Variants in DEPTOR observed in about 807,000 individuals in gnomAD.
DEPTOR encodes the protein DEP domain-containing mTOR-interacting protein.
In DEPTOR, 41 loss-of-function variants were observed where a neutral mutation model predicts 41.6. That is an observed-to-expected ratio of 0.98 (90% CI 0.77 to 1.28). The LOEUF is 1.28. Ranked by LOEUF, DEPTOR falls within the 50% of genes most tolerant of loss-of-function variation. The pLI, the probability that DEPTOR is intolerant of heterozygous loss-of-function variation, is 0.00. For synonymous variants in DEPTOR, 195 were observed against 192.3 expected, an observed-to-expected ratio of 1.01 and a Z score of -0.12; for missense variants, 514 against 527.9, an observed-to-expected ratio of 0.97 and a Z score of 0.26.
chr8:119,976,171 T>C (rs1453754791), intron 4 of DEPTOR, among the ~76,000 whole-genome samples: 3 of 151,996 alleles, frequency 2.0e-5, no homozygotes, highest in Non-Finnish European at 4.4e-5. Context: ...CCCCTACTCA[T>C]GCTCTCTGGT....
chr8:120,005,952 G>A (rs1372760899), intron 6 of DEPTOR, among the ~76,000 whole-genome samples: 2 of 152,102 alleles, frequency 1.3e-5, no homozygotes, highest in Non-Finnish European at 2.9e-5. Flanking sequence ...CACAGTAGCT[G>A]AGAGTGTGGG....
At chr8:119,925,996 TG>T (rs1426285551) in intron 1 of DEPTOR, among the ~76,000 whole-genome samples, 2 of 152,244 alleles carry the variant, frequency 1.3e-5, no homozygotes, top group Non-Finnish European at 2.9e-5. Flanking sequence ...CATGTGGTAT[TG>T]GTTTTCTGTT....
intron 4 of DEPTOR, among the ~76,000 whole-genome samples, chr8:119,997,402 T>A (rs1812283077): frequency 6.6e-6 from 1 of 152,154 alleles, no homozygotes; most frequent in African/African-American, 2.4e-5. Flanking sequence ...GCCTGGCTAA[T>A]ATTTTAATTT....
chr8:119,992,507 C>A (rs1307660831), intron 4 of DEPTOR, among the ~76,000 whole-genome samples: 1 of 152,118 alleles, frequency 6.6e-6, no homozygotes, highest in East Asian at 1.9e-4. Context: ...CAGTTGATGT[C>A]TGCGCATTCC....
chr8:119,928,505 C>G lies in DEPTOR; in HGVS notation c.228C>G (p.His76Gln), dbSNP rs774968647. Residue 76 changes from histidine to glutamine, a missense_variant, in exon 2 of 9, where the codon CAC becomes CAG. By Grantham distance (24) the His-to-Gln change is conservative (BLOSUM62 0). Coordinates refer to ENST00000286234, the MANE Select transcript of DEPTOR (RefSeq NM_022783.4). ...AACTGATTGACTGGCTGATTGAACA[C>G]AAAGAGGCTTCTGACAGAGAGACGG... ...AKELIDWLIE[H>Q]KEASDRETAI... 3 of 1,614,030 alleles carry G rather than the reference C, an allele frequency of 1.9e-6. No homozygotes were observed. In the South Asian group the frequency reaches 3.3e-5, roughly 18 times the overall value.
At position 119,965,224 on chromosome 8, in the gene DEPTOR, C is replaced by G. The variant is rs1219872594; in HGVS notation, c.426-8C>G. On this transcript the variant is annotated splice_region_variant and splice_polypyrimidine_tract_variant and intron_variant, in intron 3 of 8. Transcript: ENST00000286234. ...GTTTACTTTTCTTTTCCCTTTTTTT[C>G]TTCCCAGGCTGATGAGCCCTGAAAA... 1.9e-6 allele frequency: 3 copies of G among 1,590,338 alleles called. No homozygotes were observed. Among genetic ancestry groups the G allele is most frequent in the Non-Finnish European group, 2.6e-6 (3 of 1,173,058 alleles).
intron 8 of DEPTOR, among the ~76,000 whole-genome samples, chr8:120,036,824 T>TG (rs1367584113): frequency 6.6e-6 from 1 of 152,200 alleles, no homozygotes; most frequent in Non-Finnish European, 1.5e-5. Flanking sequence ...TAAAGCAACT[T>TG]GGTTACCTTA....
intron 4 of DEPTOR, among the ~76,000 whole-genome samples, chr8:119,997,876 G>A (rs1191811706): frequency 7.9e-5 from 12 of 152,172 alleles, no homozygotes; most frequent in Admixed American, 7.9e-4. Context: ...ATTGATAAAT[G>A]CGTTAATATG....
At chr8:119,917,785 T>C (rs12543242) in intron 1 of DEPTOR, among the ~76,000 whole-genome samples, 109,255 of 151,966 alleles carry the variant, frequency 0.72, 39,704 homozygotes, top group East Asian at 0.95. Context: ...AGGAGGAAGG[T>C]ATCTGTCTCC....
intron 4 of DEPTOR, among the ~76,000 whole-genome samples, chr8:119,984,977 G>T (rs1828811374): frequency 6.6e-6 from 1 of 152,142 alleles, no homozygotes; most frequent in Non-Finnish European, 1.5e-5. Flanking sequence ...ATGAGGTCAG[G>T]AGTTTGAGAC....
chr8:119,886,575 C>T (rs114065007), intron 1 of DEPTOR, among the ~76,000 whole-genome samples: 65 of 152,218 alleles, frequency 4.3e-4, no homozygotes, highest in African/African-American at 1.5e-3. Flanking sequence ...CCACGATTCA[C>T]GCACAACCCT....
intron 8 of DEPTOR, among the ~76,000 whole-genome samples, chr8:120,015,498 T>C (rs1812594919): frequency 6.6e-6 from 1 of 152,164 alleles, no homozygotes; most frequent in Non-Finnish European, 1.5e-5. Context: ...AGGGTCTGCC[T>C]TCTGGTTTGC....
intron 1 of DEPTOR, among the ~76,000 whole-genome samples, chr8:119,893,550 C>G (rs1827476931): frequency 6.6e-6 from 1 of 152,136 alleles, no homozygotes. Context: ...TCTCCTAGGC[C>G]AGGCCTGGTG....
chr8:119,958,520 C>T (rs748672416), intron 3 of DEPTOR, among the ~76,000 whole-genome samples: 1 of 152,038 alleles, frequency 6.6e-6, no homozygotes, highest in Non-Finnish European at 1.5e-5. Flanking sequence ...CATGGTGGCT[C>T]ACACCTGTAA....
At chr8:120,037,454 A>T (rs781400643) in intron 8 of DEPTOR, among the ~76,000 whole-genome samples, 8 of 152,206 alleles carry the variant, frequency 5.3e-5, no homozygotes, top group Non-Finnish European at 1.0e-4. Context: ...GGAATTGGTA[A>T]TGTCAGTTAA....
intron 1 of DEPTOR, among the ~76,000 whole-genome samples, chr8:119,914,850 AAC>A (rs1172441228): frequency 1.3e-5 from 2 of 152,258 alleles, no homozygotes; most frequent in African/African-American, 2.4e-5. Flanking sequence ...AGGTGATTCT[AAC>A]ACAGTCTATT....
At chr8:119,885,887 A>G (rs142492390) in intron 1 of DEPTOR, among the ~76,000 whole-genome samples, 1,687 of 151,964 alleles carry the variant, frequency 0.011, 31 homozygotes, top group African/African-American at 0.038. Context: ...ATTTCAGAGT[A>G]CGTTGTAGAC....
intron 8 of DEPTOR, among the ~76,000 whole-genome samples, chr8:120,031,589 G>C (rs1812893370): frequency 1.3e-5 from 2 of 152,060 alleles, no homozygotes; most frequent in Non-Finnish European, 1.5e-5. Flanking sequence ...TGCACCCCAT[G>C]CTTCCTCAGA....
chr8:120,030,530 G>T (rs1812875682), intron 8 of DEPTOR, among the ~76,000 whole-genome samples: 1 of 26,976 alleles, frequency 3.7e-5, no homozygotes, highest in African/African-American at 8.9e-5. Flanking sequence ...TTTTTTAGCT[G>T]GAGTCTCACT....
Sources: gnomAD v4.1 joint callset for allele counts (sites outside exome capture counted in the v4.1 genomes callset) on GRCh38, gnomAD v4.1.1 for gene constraint, MANE v1.5 for transcripts, NCBI Gene and HGNC (gene_info 2026-07-23, HGNC 2026-07-21) for gene names.